The following TMEM177 variants were observed in gnomAD, a reference collection of about 807,000 sequenced individuals.
The protein encoded by TMEM177 is transmembrane protein 177.
Under a neutral mutation model 14.2 loss-of-function variants are expected in TMEM177, and 4 were observed. The observed-to-expected ratio is 0.28, with a 90% CI of 0.14 to 0.64. The LOEUF is 0.64. Ranked by LOEUF, TMEM177 falls within the 30% of genes least tolerant of loss-of-function variation. The pLI is 0.82. For missense variants in TMEM177, 344 were observed against 405.2 expected (o/e 0.85, Z 1.30); for synonymous variants, 179 against 174.5 (o/e 1.03, Z -0.20).
At chr2:119,717,051 A>T in the TMEM177 span, among the ~76,000 whole-genome samples, 2 of 152,142 alleles carry the variant, frequency 1.3e-5, no homozygotes, top group South Asian at 4.2e-4. Flanking sequence ...CTTTATGGTT[A>T]ATACAAAAGG....
chr2:119,721,776 A>ATACC, the TMEM177 span, among the ~76,000 whole-genome samples: 2 of 152,234 alleles, frequency 1.3e-5, no homozygotes, highest in Non-Finnish European at 2.9e-5. Flanking sequence ...CAGCAGCAAC[A>ATACC]TACCTACTAG....
At chr2:119,684,590 G>A (rs143825529), downstream of TMEM177, among the ~76,000 whole-genome samples, 1,841 of 152,278 alleles carry the variant, frequency 0.012, 16 homozygotes, top group Non-Finnish European at 0.018. Flanking sequence ...AAATGAACAG[G>A]GCTCTAAGCT....
downstream of TMEM177, among the ~76,000 whole-genome samples, chr2:119,688,021 A>C (rs375625553): frequency 1.8e-4 from 27 of 152,356 alleles, no homozygotes; most frequent in East Asian, 5.2e-3. Flanking sequence ...AAAGAGGTAC[A>C]TAAAAGCATT....
downstream of TMEM177, among the ~76,000 whole-genome samples, chr2:119,690,912 C>T (rs1689084799): frequency 6.6e-6 from 1 of 152,224 alleles, no homozygotes; most frequent in Admixed American, 6.5e-5. Flanking sequence ...AGACCAAAGT[C>T]CTAGCCCTTT....
chr2:119,706,583 T>C, the TMEM177 span, among the ~76,000 whole-genome samples: 2 of 152,212 alleles, frequency 1.3e-5, no homozygotes, highest in Non-Finnish European at 2.9e-5. Context: ...CTTCCTTTTT[T>C]TTTCTTTTGT....
the TMEM177 span, among the ~76,000 whole-genome samples, chr2:119,721,642 G>A: frequency 6.6e-6 from 1 of 152,258 alleles, no homozygotes; most frequent in Admixed American, 6.5e-5. Context: ...TTTAACGTGT[G>A]GAGTCTCCAC....
chr2:119,699,102 G>A, the TMEM177 span: 3 of 175,822 alleles, frequency 1.7e-5, no homozygotes, highest in Non-Finnish European at 3.7e-5. Flanking sequence ...GAGACAGTGT[G>A]TACCTGTATT....
At chr2:119,713,941 C>T in the TMEM177 span, among the ~76,000 whole-genome samples, 3 of 152,266 alleles carry the variant, frequency 2.0e-5, no homozygotes. Flanking sequence ...TATGGACTGT[C>T]TTCCCTCCTG....
At chr2:119,722,448 A>G in the TMEM177 span, among the ~76,000 whole-genome samples, 1 of 152,142 alleles carries the variant, frequency 6.6e-6, no homozygotes, top group African/African-American at 2.4e-5. Flanking sequence ...TGGAAGTTAG[A>G]AAGACCACCA....
the TMEM177 span, among the ~76,000 whole-genome samples, chr2:119,709,483 C>G: frequency 6.6e-6 from 1 of 152,238 alleles, no homozygotes; most frequent in African/African-American, 2.4e-5. Flanking sequence ...CAAGACCAGC[C>G]TGGGCAACAT....
At chr2:119,721,687 C>T in the TMEM177 span, among the ~76,000 whole-genome samples, 2 of 152,184 alleles carry the variant, frequency 1.3e-5, no homozygotes, top group African/African-American at 4.8e-5. Context: ...TCTGGGGAAT[C>T]ATATTACAGT....
the TMEM177 span, among the ~76,000 whole-genome samples, chr2:119,706,027 A>ATTATATATTTT: frequency 2.8e-3 from 399 of 141,800 alleles, 3 homozygotes; most frequent in African/African-American, 9.7e-3. Flanking sequence ...ATATTTATAT[A>ATTATATATTTT]TATATATATT....
the TMEM177 span, among the ~76,000 whole-genome samples, chr2:119,693,749 C>T: frequency 6.6e-6 from 1 of 151,726 alleles, no homozygotes; most frequent in African/African-American, 2.4e-5. Context: ...GTGGGTGCCA[C>T]GTGACCCACC....
chr2:119,681,441 C>T lies in TMEM177; in HGVS notation c.588C>T (p.Gly196=), dbSNP rs914009654. The T allele has an allele frequency of 6.2e-7, 1 of 1,613,652 alleles. No individual in the cohort carries two copies. The highest frequency in any genetic ancestry group is 2.2e-5 in the East Asian group (1 of 44,888). ...GAKYTLGLHA[G]PMNLRAAFSL... is the part of the protein sequence containing the mutation. ...AGTACACCCTGGGGCTCCATGCAGG[C>T]CCCATGAATTTACGGGCTGCCTTCA... Residue 196 remains glycine (G), a synonymous_variant, in exon 2 of 2, where the codon GGC becomes GGT. Coordinates refer to ENST00000272521, the MANE Select transcript of TMEM177 (RefSeq NM_030577.3).
rs756691179 is a variant in TMEM177, at chr2:119,681,532, G to A, written c.679G>A (p.Val227Met). The A allele has an allele frequency of 7.4e-6, 12 of 1,613,990 alleles. No individual in the cohort carries two copies. Among genetic ancestry groups the A allele is most frequent in the Admixed American group, 1.7e-5 (1 of 60,002 alleles). The change falls in exon 2 of 2, where the codon GTG (valine) becomes ATG (methionine). Residue 227 changes from valine to methionine, a missense_variant. Transcript: ENST00000272521. ...AFSQDSLTHA[V>M]ESWLDRRTAS... The stretch of plus-strand genomic sequence containing the variant: ...CTCCCAGGATTCTCTCACTCATGCC[G>A]TGGAGTCCTGGCTGGACCGCCGCAC...
At chr2:119,685,691 G>T, downstream of TMEM177, 1 of 717,928 alleles carries the variant, frequency 1.4e-6, no homozygotes, top group Admixed American at 2.0e-5. Flanking sequence ...GAAGAAATTT[G>T]CCCTAAATCA....
chr2:119,698,728 G>T, the TMEM177 span: 1 of 153,834 alleles, frequency 6.5e-6, no homozygotes, highest in African/African-American at 2.4e-5. Flanking sequence ...TGGGCGTGGT[G>T]GCTCACGCCT....
chr2:119,679,352 G>C (rs1325183731), intron 1 of TMEM177, 76 bp downstream of exon 1: 1 of 152,310 alleles, frequency 6.6e-6, no homozygotes, highest in African/African-American at 2.4e-5. Context: ...CGGGGCTCCT[G>C]CAGCCCCTCC....
chr2:119,706,138 C>T, the TMEM177 span, among the ~76,000 whole-genome samples: 1 of 151,766 alleles, frequency 6.6e-6, no homozygotes, highest in African/African-American at 2.4e-5. Flanking sequence ...ATTCTCCTGT[C>T]TCAGACTCCC....
Sources: gnomAD v4.1 joint callset for allele counts (sites outside exome capture counted in the v4.1 genomes callset) on GRCh38, gnomAD v4.1.1 for gene constraint, MANE v1.5 for transcripts, NCBI Gene and HGNC (gene_info 2026-07-23, HGNC 2026-07-21) for gene names.